MORC1: variants seen among roughly 807,000 people sequenced by gnomAD.
MORC1 encodes the protein MORC family CW-type zinc finger 1.
In MORC1, 59 loss-of-function variants were observed where a neutral mutation model predicts 134.9. That is an observed-to-expected ratio of 0.44 (90% CI 0.35 to 0.54). The LOEUF (loss-of-function observed/expected upper bound fraction) is 0.54, where lower values mean the gene tolerates loss of function less well. Ranked by LOEUF, MORC1 falls within the 20% of genes least tolerant of loss-of-function variation. The probability of loss-of-function intolerance (pLI) is 0.00; values close to 1 mark genes in which losing one functional copy is unlikely to be tolerated. For missense variants in MORC1, 947 were observed against 1,134.5 expected, an observed-to-expected ratio of 0.83 and a Z score of 2.37; for synonymous variants, 395 against 391.7, an observed-to-expected ratio of 1.01 and a Z score of -0.10.
At chr3:109,022,541 T>C (rs1948983907) in intron 17 of MORC1, among the ~76,000 whole-genome samples, 1 of 152,234 alleles carries the variant, frequency 6.6e-6, no homozygotes, top group African/African-American at 2.4e-5. Context: ...CATGAAGTCT[T>C]ATAAATGCTA....
intron 9 of MORC1, among the ~76,000 whole-genome samples, chr3:109,066,086 G>T (rs999655990): frequency 6.6e-6 from 1 of 151,892 alleles, no homozygotes; most frequent in African/African-American, 2.4e-5. Flanking sequence ...CTCATTAGCT[G>T]GGTGACAGGA....
chr3:108,998,188 T>A (rs985970655), intron 21 of MORC1, among the ~76,000 whole-genome samples: 2 of 152,222 alleles, frequency 1.3e-5, no homozygotes, highest in Non-Finnish European at 2.9e-5. Context: ...CAGATGGGCA[T>A]AACGGGACAG....
intron 8 of MORC1, among the ~76,000 whole-genome samples, chr3:109,092,562 T>C (rs977992661): frequency 6.6e-6 from 1 of 152,124 alleles, no homozygotes; most frequent in Non-Finnish European, 1.5e-5. Flanking sequence ...TCAAAGACTT[T>C]GGATTTAAAA....
chr3:109,118,134 C>G lies in MORC1; in HGVS notation c.-75G>C, dbSNP rs1177671997. ...GCAGCCGTTCGCCTGCGCCCGCGCC[C>G]ACTCCCACGCCCACGCTCACGCGCA... On this transcript the variant is annotated 5_prime_UTR_variant, in exon 1 of 28. Coordinates refer to ENST00000232603, the MANE Select transcript of MORC1 (RefSeq NM_014429.4). The G allele has an allele frequency of 1.3e-6, 2 of 1,530,598 alleles. No individual in the cohort carries two copies. The highest frequency in any genetic ancestry group is 1.4e-5 in the African/African-American group (1 of 72,950). 94.8% of individuals were successfully genotyped at this position (1,530,598 alleles called of 1,614,324 possible).
chr3:109,072,517 A>C (rs1322289797), intron 8 of MORC1, among the ~76,000 whole-genome samples: 1 of 152,176 alleles, frequency 6.6e-6, no homozygotes, highest in Non-Finnish European at 1.5e-5. Flanking sequence ...AGATCCATGA[A>C]GCTAGCGCTC....
In MORC1 at chr3:109,099,392, GA is replaced by G; in HGVS notation, c.388del (p.Ser130LeufsTer14). On this transcript the variant is annotated frameshift_variant, in exon 6 of 28. Transcript: ENST00000232603. LOFTEE classifies it high-confidence loss of function. ...KEETMTCVFFSQTFCEEESLS... is the reference protein window; with the variant it reads ...KEETMTCVFFXQTFCEEESLS... ...ACTTTCTTCTTCACAGAATGTCTGA[GA>G]AAAAAACACACAGGTCATCGTTTCT... 6.2e-7 allele frequency: 1 copy of G among 1,611,994 alleles called. No homozygotes were observed. The highest frequency in any genetic ancestry group is 8.5e-7 in the Non-Finnish European group (1 of 1,179,278).
intron 8 of MORC1, among the ~76,000 whole-genome samples, chr3:109,091,563 G>A (rs1217297513): frequency 6.6e-6 from 1 of 152,080 alleles, no homozygotes; most frequent in Admixed American, 6.5e-5. Flanking sequence ...GTGGAATTAA[G>A]GGCAAATCTT....
intron 20 of MORC1, among the ~76,000 whole-genome samples, chr3:109,003,391 G>GCACACACACACACA (rs3054383): frequency 8.9e-5 from 13 of 146,762 alleles, no homozygotes; most frequent in Admixed American, 1.4e-4. Flanking sequence ...ATATGTGTAT[G>GCACACACACACACA]CACACACACA....
chr3:108,963,317 C>T, intron 27 of MORC1, 97 bp downstream of exon 27: 1 of 1,016,456 alleles, frequency 9.8e-7, no homozygotes, highest in Non-Finnish European at 1.5e-6. Flanking sequence ...AGTGACTTGT[C>T]CAGGTCAGTA....
At chr3:109,096,497 G>A (rs1018896896) in intron 6 of MORC1, among the ~76,000 whole-genome samples, 1 of 152,130 alleles carries the variant, frequency 6.6e-6, no homozygotes, top group Non-Finnish European at 1.5e-5. Flanking sequence ...CCCTACCAGT[G>A]CCATGACAGT....
intron 17 of MORC1, among the ~76,000 whole-genome samples, chr3:109,024,664 G>A (rs568960063): frequency 1.4e-4 from 21 of 152,288 alleles, no homozygotes; most frequent in African/African-American, 4.6e-4. Flanking sequence ...AGTGGTCATT[G>A]GGAGTGGGAT....
chr3:109,034,884 G>A (rs956345358), intron 15 of MORC1, among the ~76,000 whole-genome samples: 22 of 152,046 alleles, frequency 1.4e-4, no homozygotes, highest in African/African-American at 4.8e-4. Flanking sequence ...AAGTAGCTGC[G>A]ACCACAGGTG....
In MORC1 at chr3:109,032,790, T is replaced by C. The variant is rs779937263; in HGVS notation, c.1495A>G (p.Thr499Ala). 3 of 1,607,708 alleles carry C rather than the reference T, an allele frequency of 1.9e-6. No homozygotes were observed. Among genetic ancestry groups the C allele is most frequent in the South Asian group, 2.2e-5 (2 of 90,130 alleles). Residue 499 changes from threonine to alanine, a missense_variant, in exon 16 of 28, where the codon ACT becomes GCT. This residue lies in a region of MORC1 where 722 missense variants were observed against 817.0 expected (regional missense o/e 0.88). Transcript: ENST00000232603. ...CLKWRVLPSS[T>A]NYQEKEFFDI... Reference sequence around the variant, plus strand: ...AAAAATTCTTTTTCCTGATAATTAGTAGAGGAAGGCAAGACTCTCCATTTA... The same window carrying C: ...AAAAATTCTTTTTCCTGATAATTAGCAGAGGAAGGCAAGACTCTCCATTTA...
At chr3:109,006,436 C>T (rs1277991456) in intron 18 of MORC1, among the ~76,000 whole-genome samples, 2 of 152,160 alleles carry the variant, frequency 1.3e-5, no homozygotes, top group Non-Finnish European at 2.9e-5. Flanking sequence ...ATACAAAATA[C>T]ATTATGTATA....
At chr3:108,961,860 T>C (rs1307708015) in intron 27 of MORC1, among the ~76,000 whole-genome samples, 2 of 152,342 alleles carry the variant, frequency 1.3e-5, no homozygotes, top group Non-Finnish European at 2.9e-5. Context: ...GGATTTGCTA[T>C]TATGAAAGCC....
At position 109,076,970 on chromosome 3, in the gene MORC1, G is replaced by C. The variant is rs556553833; in HGVS notation, c.690-7213C>G. Among the ~76,000 whole-genome samples the C allele has an allele frequency of 6.9e-3, 197 of 28,498 alleles. 2 individuals carry two copies. The highest frequency in any genetic ancestry group is 0.045 in the South Asian group (25 of 556). The allele number at this position is 28,498 out of a possible 152,430, so 18.7% of individuals were successfully genotyped here. A position where few individuals can be genotyped will look rare whatever the true frequency, so the allele number is the denominator to read the frequency against. On this transcript the variant is annotated intron_variant, in intron 8 of 27. Coordinates refer to ENST00000232603, the MANE Select transcript of MORC1 (RefSeq NM_014429.4). ...CTGCACATGTATCCCAGAACTTAAAGTATTAAAAAAAAAAAAAAAGTTAAG... is the reference window on the plus strand; with the variant it reads ...CTGCACATGTATCCCAGAACTTAAACTATTAAAAAAAAAAAAAAAGTTAAG...
At chr3:109,111,766 A>G (rs1951173003) in intron 2 of MORC1, among the ~76,000 whole-genome samples, 1 of 152,176 alleles carries the variant, frequency 6.6e-6, no homozygotes. Flanking sequence ...GCGTCTCTCC[A>G]AAGTTCCATC....
At chr3:109,000,336 G>T (rs775500619) in intron 21 of MORC1, among the ~76,000 whole-genome samples, 1 of 152,118 alleles carries the variant, frequency 6.6e-6, no homozygotes, top group Non-Finnish European at 1.5e-5. Flanking sequence ...AAACAGAAAG[G>T]TGCCGTGGAC....
intron 21 of MORC1, among the ~76,000 whole-genome samples, chr3:108,989,525 C>T (rs974853338): frequency 2.0e-5 from 3 of 152,006 alleles, no homozygotes; most frequent in African/African-American, 7.2e-5. Context: ...ATAAATAAGT[C>T]AGAGGAAAAA....
Sources: gnomAD v4.1 joint callset for allele counts (sites outside exome capture counted in the v4.1 genomes callset) on GRCh38, gnomAD v4.1.1 for gene constraint, gnomAD v4.1.1 regional missense constraint, MANE v1.5 for transcripts, NCBI Gene and HGNC (gene_info 2026-07-23, HGNC 2026-07-21) for gene names.